Variants in ZNF600 observed in about 807,000 individuals in gnomAD.
ZNF600 encodes zinc finger protein KR-ZNF1.
Under a neutral mutation model 7.3 loss-of-function variants are expected in ZNF600, and 4 were observed. The observed-to-expected ratio is 0.55, with a 90% CI of 0.27 to 1.25. The LOEUF (loss-of-function observed/expected upper bound fraction) is 1.25. Among genes scored for constraint, ZNF600 ranks in the 50% most tolerant of loss-of-function variants. The pLI, the probability that ZNF600 is intolerant of heterozygous loss-of-function variation, is 0.12. For synonymous variants in ZNF600, 290 were observed against 308.9 expected (o/e 0.94, Z 0.64); for missense variants, 911 against 922.1 (o/e 0.99, Z 0.16).
At chr19:52,770,864 G>A (rs773929834) in intron 3 of ZNF600, among the ~76,000 whole-genome samples, 3 of 151,942 alleles carry the variant, frequency 2.0e-5, no homozygotes, top group Non-Finnish European at 4.4e-5. Context: ...ACAGAGTTTC[G>A]CTCTTGTTGC....
chr19:52,828,311 C>G, the ZNF600 span, among the ~76,000 whole-genome samples: 9 of 152,022 alleles, frequency 5.9e-5, no homozygotes, highest in African/African-American at 2.2e-4. Context: ...CTCAACCCCC[C>G]AAAGTCCTAG....
At chr19:52,793,783 C>T in the ZNF600 span, among the ~76,000 whole-genome samples, 20 of 73,204 alleles carry the variant, frequency 2.7e-4, no homozygotes, top group Admixed American at 9.2e-4. Flanking sequence ...CACACACACA[C>T]ACACACACAC....
intron 1 of ZNF600, among the ~76,000 whole-genome samples, chr19:52,783,959 A>G (rs2062744236): frequency 1.3e-5 from 2 of 152,148 alleles, no homozygotes; most frequent in African/African-American, 2.4e-5. Context: ...CAGTAATCCC[A>G]GCTACTCGGG....
chr19:52,811,444 G>A, the ZNF600 span, among the ~76,000 whole-genome samples: 7 of 148,012 alleles, frequency 4.7e-5, no homozygotes, highest in Non-Finnish European at 7.4e-5. Context: ...TCTAGGAAGC[G>A]AGGAGCGCCT....
At chr19:52,814,581 C>G in the ZNF600 span, among the ~76,000 whole-genome samples, 4 of 143,000 alleles carry the variant, frequency 2.8e-5, 1 homozygote, top group South Asian at 4.7e-4. Flanking sequence ...ACAACCGAGA[C>G]TTTGTCTCAA....
chr19:52,791,065 A>G (rs1237280939), upstream of ZNF600, among the ~76,000 whole-genome samples: 1 of 152,186 alleles, frequency 6.6e-6, no homozygotes, highest in African/African-American at 2.4e-5. Flanking sequence ...CTACCAAATC[A>G]GATACAAACT....
At chr19:52,778,036 CAG>C (rs1189088546) in intron 2 of ZNF600, among the ~76,000 whole-genome samples, 2 of 151,886 alleles carry the variant, frequency 1.3e-5, no homozygotes, top group East Asian at 1.9e-4. Flanking sequence ...TCTTTTGAGA[CAG>C]AGTCTCACTC....
the ZNF600 span, among the ~76,000 whole-genome samples, chr19:52,832,090 G>GTTACACGTGTGGTGGTGCACACCTC: frequency 4.6e-5 from 7 of 151,946 alleles, no homozygotes; most frequent in East Asian, 1.2e-3. Flanking sequence ...ACATCACAGT[G>GTTACACGTGTGGTGGTGCACACCTC]TAATCCCAGC....
chr19:52,809,146 C>T, the ZNF600 span, among the ~76,000 whole-genome samples: 1 of 152,084 alleles, frequency 6.6e-6, no homozygotes, highest in Non-Finnish European at 1.5e-5. Context: ...CAGTTGCGGG[C>T]AGGGGGAATC....
chr19:52,807,229 G>C, the ZNF600 span, among the ~76,000 whole-genome samples: 1 of 112,510 alleles, frequency 8.9e-6, no homozygotes, highest in Non-Finnish European at 2.0e-5. Flanking sequence ...AAAAAGAAAG[G>C]ACCATAACAT....
At chr19:52,810,032 G>C in the ZNF600 span, 3 of 739,472 alleles carry the variant, frequency 4.1e-6, no homozygotes, top group Admixed American at 2.0e-5. Flanking sequence ...CCGAAGAGGA[G>C]CCGCTCCAGC....
chr19:52,774,394 T>A (rs1180976458), intron 3 of ZNF600, among the ~76,000 whole-genome samples, 181 bp downstream of exon 5: 1 of 144,022 alleles, frequency 6.9e-6, no homozygotes, highest in Non-Finnish European at 1.5e-5. Flanking sequence ...ATACCATTGC[T>A]CTCCAGCCTG....
At chr19:52,810,101 C>A in the ZNF600 span, 1 of 795,578 alleles carries the variant, frequency 1.3e-6, no homozygotes, top group Admixed American at 2.0e-5. Context: ...CCACCGGCAG[C>A]CAAGAGGAGG....
rs150001278 is a variant in ZNF600 at position 52,781,687 on chromosome 19, T to A, written c.-19-2780A>T. Among the ~76,000 whole-genome samples, 4 of 151,584 alleles carry A rather than the reference T, an allele frequency of 2.6e-5. No individual in the cohort carries two copies. In the East Asian group the frequency reaches 7.8e-4, roughly 30 times the overall value. On this transcript the variant is annotated intron_variant, in intron 1 of 3. Coordinates refer to ENST00000648973, the Ensembl canonical transcript of ZNF600. ...AGGCTGACGCAAGATCACTTGAGCCTGGGAGGCAGAGGTTGCAGTGATCCA... is the reference window on the plus strand; with the variant it reads ...AGGCTGACGCAAGATCACTTGAGCCAGGGAGGCAGAGGTTGCAGTGATCCA...
intron 2 of ZNF600, among the ~76,000 whole-genome samples, chr19:52,777,567 C>T (rs556916473): frequency 3.3e-5 from 5 of 152,224 alleles, no homozygotes; most frequent in African/African-American, 4.8e-5. Context: ...CACAGTGGTG[C>T]ACACCTTTAA....
At chr19:52,807,915 C>A in the ZNF600 span, 1 of 1,577,428 alleles carries the variant, frequency 6.3e-7, no homozygotes, top group African/African-American at 1.4e-5. Flanking sequence ...AATACGGCTT[C>A]CATTTTAGTC....
At chr19:52,794,198 A>G in the ZNF600 span, among the ~76,000 whole-genome samples, 2 of 152,142 alleles carry the variant, frequency 1.3e-5, no homozygotes, top group African/African-American at 4.8e-5. Flanking sequence ...AGAGACAAGA[A>G]TAAGTTCAAG....
At chr19:52,787,207 A>C (rs1270255829), upstream of ZNF600, among the ~76,000 whole-genome samples, 1 of 152,122 alleles carries the variant, frequency 6.6e-6, no homozygotes, top group East Asian at 1.9e-4. Flanking sequence ...AGCTCAGGCC[A>C]GGGAGGAGTG....
the ZNF600 span, among the ~76,000 whole-genome samples, chr19:52,795,099 T>C: frequency 1.5e-3 from 230 of 152,324 alleles, 2 homozygotes; most frequent in African/African-American, 5.3e-3. Flanking sequence ...ATATGGGCTC[T>C]GCTGGAACAA....
Sources: allele counts gnomAD v4.1 joint callset (sites outside exome capture counted in the v4.1 genomes callset), GRCh38; gene constraint gnomAD v4.1.1; transcripts MANE v1.5; gene names NCBI Gene and HGNC (gene_info 2026-07-23, HGNC 2026-07-21).